PHKA1: variants seen among roughly 807,000 people sequenced by gnomAD.
PHKA1 encodes the protein phosphorylase kinase regulatory subunit alpha 1.
Under a neutral mutation model 110.2 loss-of-function variants are expected in PHKA1, and 60 were observed. The observed-to-expected ratio is 0.54, with a 90% CI of 0.44 to 0.68. The LOEUF (loss-of-function observed/expected upper bound fraction) is 0.68, where lower values mean the gene tolerates loss of function less well. Ranked by LOEUF, PHKA1 falls within the 30% of genes least tolerant of loss-of-function variation. The pLI, the probability that PHKA1 is intolerant of heterozygous loss-of-function variation, is 0.00. For missense variants in PHKA1, 801 were observed against 942.5 expected, an observed-to-expected ratio of 0.85 and a Z score of 1.97; for synonymous variants, 316 against 333.6, an observed-to-expected ratio of 0.95 and a Z score of 0.58.
chrX:72,673,864 T>C (rs1465097974), intron 6 of PHKA1, among the ~76,000 whole-genome samples: 2 of 109,790 alleles, frequency 1.8e-5, no homozygotes, highest in African/African-American at 6.6e-5. Context: ...TGCAGGTTTG[T>C]TACATATGTA....
At chrX:72,706,854 G>A (rs1438317121) in intron 2 of PHKA1, among the ~76,000 whole-genome samples, 1 of 111,531 alleles carries the variant, frequency 9.0e-6, no homozygotes, top group Non-Finnish European at 1.9e-5. Flanking sequence ...CAAGGACTCA[G>A]TGGAGGATCT....
At chrX:72,627,962 C>G (rs925949623) in intron 16 of PHKA1, among the ~76,000 whole-genome samples, 4 of 108,762 alleles carry the variant, frequency 3.7e-5, no homozygotes, top group African/African-American at 3.4e-5. Flanking sequence ...GGACTACAGG[C>G]GCCCGCCACC....
At chrX:72,605,229 T>A (rs375028986) in intron 25 of PHKA1, 42 bp downstream of exon 25, 1 of 1,127,854 alleles carries the variant, frequency 8.9e-7, no homozygotes, top group African/African-American at 1.8e-5. Context: ...TAAACTTACA[T>A]CAAAAGTGAA....
chrX:72,628,942 T>C (rs1556285083), intron 16 of PHKA1, among the ~76,000 whole-genome samples: 1 of 111,420 alleles, frequency 9.0e-6, no homozygotes, highest in East Asian at 2.8e-4. Flanking sequence ...CTTTAATCTA[T>C]TTAGAATGTA....
rs373176963 is a variant in PHKA1 at position 72,701,274 on chromosome X, A to G, written c.285+3924T>C. Among the ~76,000 whole-genome samples, 20 of 112,223 alleles carry G rather than the reference A, an allele frequency of 1.8e-4. No individual in the cohort carries two copies. In the East Asian group the frequency reaches 5.6e-3, roughly 31 times the overall value. Reference sequence around the variant, plus strand: ...CATATTTCATGTACACAGACCACATATAGGGTTTCTGACCCTTGGTAAGTA... The same window carrying G: ...CATATTTCATGTACACAGACCACATGTAGGGTTTCTGACCCTTGGTAAGTA... On this transcript the variant is annotated intron_variant, in intron 3 of 31. Coordinates refer to ENST00000373542, the MANE Select transcript of PHKA1 (RefSeq NM_002637.4).
intron 3 of PHKA1, 54 bp downstream of exon 3, chrX:72,705,140 GTAGA>G (rs1556331854): frequency 3.2e-5 from 27 of 848,865 alleles, no homozygotes; most frequent in Non-Finnish European, 4.2e-5. Flanking sequence ...TCCCTAAAGG[GTAGA>G]GATACTATTA....
intron 29 of PHKA1, among the ~76,000 whole-genome samples, chrX:72,592,461 T>G (rs1021624338): frequency 1.8e-5 from 2 of 112,800 alleles, no homozygotes; most frequent in Non-Finnish European, 3.7e-5. Context: ...ATAGTGTTCT[T>G]GGCCCTCTAA....
chrX:72,710,846 TTTTTTA>T lies in PHKA1; in HGVS notation c.237+1927_237+1932del, dbSNP rs1569454722. On this transcript the variant is annotated intron_variant, in intron 2 of 31. Coordinates refer to ENST00000373542, the MANE Select transcript of PHKA1 (RefSeq NM_002637.4). ...TTTTATTTTTTATTTTTTTATTTTT[TTTTTTA>T]TTTTTATTTTTATTTTTTATTTTTT... 0.052 allele frequency among the ~76,000 whole-genome samples: 5,457 copies of T among 105,751 alleles called. 591 individuals are homozygous for T. The East Asian group carries it at 0.6, about 12-fold the overall frequency. The allele number at this position is 105,751 out of a possible 115,157, so 91.8% of individuals were successfully genotyped here.
intron 15 of PHKA1, among the ~76,000 whole-genome samples, chrX:72,635,683 C>T (rs1254952073): frequency 1.8e-5 from 2 of 111,619 alleles, no homozygotes; most frequent in East Asian, 5.6e-4. Context: ...TTTGTTTATA[C>T]CTACCTCAGC....
rs782742492 is a variant in PHKA1 at position 72,703,525 on chromosome X, T to A, written c.285+1673A>T. 2.1e-4 allele frequency among the ~76,000 whole-genome samples: 23 copies of A among 110,104 alleles called. No homozygotes were observed. In the South Asian group the frequency reaches 8.3e-3, roughly 40 times the overall value. On this transcript the variant is annotated intron_variant, in intron 3 of 31. Coordinates refer to ENST00000373542, the MANE Select transcript of PHKA1 (RefSeq NM_002637.4). ...GAGATTCCATCCCTACAAAAAAAAA[T>A]TTTTAATTAGCAAGGCATGGTGGTG...
intron 21 of PHKA1, among the ~76,000 whole-genome samples, chrX:72,615,292 T>C (rs1438248901): frequency 3.6e-5 from 4 of 111,868 alleles, no homozygotes; most frequent in Non-Finnish European, 7.5e-5. Flanking sequence ...CATTAATGAA[T>C]AATATGAAAA....
chrX:72,596,356 C>T (rs1466889274), intron 28 of PHKA1, among the ~76,000 whole-genome samples: 1 of 110,947 alleles, frequency 9.0e-6, no homozygotes, highest in African/African-American at 3.3e-5. Context: ...AAGATGAAAA[C>T]GTTCTAGAGA....
chrX:72,624,880 A>G (rs1556281816), intron 17 of PHKA1, among the ~76,000 whole-genome samples: 3 of 111,605 alleles, frequency 2.7e-5, no homozygotes, highest in African/African-American at 9.8e-5. Context: ...CTGCAAAATA[A>G]CTGACCTGCA....
chrX:72,682,092 C>T (rs868967853), intron 5 of PHKA1, among the ~76,000 whole-genome samples: 47 of 88,230 alleles, frequency 5.3e-4, no homozygotes, highest in East Asian at 4.6e-3. Flanking sequence ...GGGTCGGCCC[C>T]CCGCCCGGCC....
chrX:72,697,146 T>C (rs2054131919), intron 3 of PHKA1: 1 of 111,409 alleles, frequency 9.0e-6, no homozygotes, highest in South Asian at 3.8e-4. Flanking sequence ...GTTTTTGTTT[T>C]TCCTGTTTCT....
chrX:72,689,748 G>A (rs1556320192), intron 4 of PHKA1, among the ~76,000 whole-genome samples: 1 of 111,569 alleles, frequency 9.0e-6, no homozygotes, highest in Non-Finnish European at 1.9e-5. Flanking sequence ...GAAACTGCTA[G>A]ATCATATGGT....
chrX:72,696,864 C>G (rs1265691033), intron 3 of PHKA1, among the ~76,000 whole-genome samples: 2 of 111,683 alleles, frequency 1.8e-5, no homozygotes, highest in African/African-American at 3.3e-5. Context: ...GACAAATCTC[C>G]TGTTGGTGCT....
intron 4 of PHKA1, among the ~76,000 whole-genome samples, chrX:72,688,695 CTTAT>C (rs1556319819): frequency 8.9e-6 from 1 of 112,072 alleles, no homozygotes; most frequent in African/African-American, 3.2e-5. Flanking sequence ...CTTTTATGAA[CTTAT>C]TTTTTTACTC....
Position 72,611,186 on chromosome X carries a change from T to C in PHKA1, c.2370-2A>G. The C allele has an allele frequency of 8.4e-7, 1 of 1,196,186 alleles. No homozygotes were observed. The highest frequency in any genetic ancestry group is 1.1e-6 in the Non-Finnish European group (1 of 881,520). The stretch of plus-strand genomic sequence containing the variant: ...AATTCAGTGTTCCAGTCAGGTCCTC[T>C]AGAATTTTAACGACAGGACTACATC... On this transcript the variant is annotated splice_acceptor_variant, in intron 21 of 31. Coordinates refer to ENST00000373542, the MANE Select transcript of PHKA1 (RefSeq NM_002637.4). LOFTEE classifies it high-confidence loss of function.
Sources: gnomAD v4.1 joint callset for allele counts (sites outside exome capture counted in the v4.1 genomes callset) on GRCh38, gnomAD v4.1.1 for gene constraint, MANE v1.5 for transcripts, NCBI Gene and HGNC (gene_info 2026-07-23, HGNC 2026-07-21) for gene names.